The following ZNF75D variants were observed in gnomAD, a reference collection of about 807,000 sequenced individuals.
ZNF75D encodes the protein zinc finger protein 75D, also known as zinc finger protein 75.
Under a neutral mutation model 33.3 loss-of-function variants are expected in ZNF75D, and 33 were observed. The observed-to-expected ratio is 0.99, with a 90% confidence interval of 0.75 to 1.32. The LOEUF (loss-of-function observed/expected upper bound fraction) is 1.32, where lower values mean the gene tolerates loss of function less well. Ranked by LOEUF, ZNF75D falls within the 40% of genes most tolerant of loss-of-function variation. The pLI is 0.00. For synonymous variants in ZNF75D, 113 were observed against 130.6 expected (o/e 0.87, Z 0.92); for missense variants, 338 against 367.5 (o/e 0.92, Z 0.66).
In ZNF75D at chrX:135,319,627, T is replaced by G. The variant is rs1234376564; in HGVS notation, c.-391+22141A>C. Among the ~76,000 whole-genome samples, 7 of 111,725 alleles carry G rather than the reference T, an allele frequency of 6.3e-5. No homozygotes were observed. The East Asian group carries it at 2.0e-3, about 31-fold the overall frequency. On this transcript the variant is annotated intron_variant, in intron 1 of 6. Coordinates refer to ENST00000370766, the MANE Select transcript of ZNF75D (RefSeq NM_007131.5). ...AATACATTTTGAATGATTGTGGAGG[T>G]GATTAGGGAAATTTACTGAAATGTC...
At chrX:135,306,286 C>CAT (rs1321918286) in intron 1 of ZNF75D, among the ~76,000 whole-genome samples, 2 of 68,218 alleles carry the variant, frequency 2.9e-5, no homozygotes, top group African/African-American at 9.4e-5. Context: ...AACAGAGATA[C>CAT]ATACACACAC....
intron 1 of ZNF75D, among the ~76,000 whole-genome samples, chrX:135,334,903 G>T (rs191578219): frequency 9.6e-4 from 107 of 111,448 alleles, no homozygotes; most frequent in African/African-American, 3.4e-3. Context: ...CCACAGTTAT[G>T]AGGGAGCACA....
At chrX:135,285,547 C>A (rs1466129481), downstream of ZNF75D, among the ~76,000 whole-genome samples, 1 of 112,462 alleles carries the variant, frequency 8.9e-6, no homozygotes, top group African/African-American at 3.2e-5. Flanking sequence ...AGCTTATTTT[C>A]TTTTCTAAAT....
chrX:135,333,815 A>G (rs5930689), intron 1 of ZNF75D, among the ~76,000 whole-genome samples: 28,030 of 110,895 alleles, frequency 0.25, 2,826 homozygotes, highest in South Asian at 0.43. Flanking sequence ...CAGTCTAAAA[A>G]ATCTCAGTCT....
chrX:135,262,199 G>A lies in ZNF75D; in HGVS notation n.828-6422C>T, dbSNP rs781875275. Among the ~76,000 whole-genome samples the A allele has an allele frequency of 3.2e-4, 36 of 111,908 alleles. 1 individual carries two copies. The highest frequency in any genetic ancestry group is 4.2e-3 in the Middle Eastern group (1 of 239). ...ATGGGCTTCCCTTTGTGGGCAACCC[G>A]ACCTTTCTCTCTGGCTGCCCTTAAC... On this transcript the variant is annotated intron_variant and non_coding_transcript_variant, in intron 1 of 3. Transcript: ENST00000494295.
At chrX:135,303,975 T>C (rs2084253632) in intron 1 of ZNF75D, among the ~76,000 whole-genome samples, 1 of 112,581 alleles carries the variant, frequency 8.9e-6, no homozygotes, top group South Asian at 3.7e-4. Context: ...TCACCTAACA[T>C]AATGCTCAAA....
At chrX:135,306,761 G>A (rs56324817) in intron 1 of ZNF75D, among the ~76,000 whole-genome samples, 28,321 of 111,845 alleles carry the variant, frequency 0.25, 2,814 homozygotes, top group South Asian at 0.43. Flanking sequence ...TGTTTTCCTT[G>A]TGTTTGTCCT....
chrX:135,281,257 T>G (rs782505491), downstream of ZNF75D, among the ~76,000 whole-genome samples: 5 of 109,227 alleles, frequency 4.6e-5, no homozygotes, highest in Non-Finnish European at 7.6e-5. Context: ...CTGATATCCT[T>G]TCTTCTGCTT....
chrX:135,307,424 C>T (rs2084301863), intron 1 of ZNF75D, among the ~76,000 whole-genome samples: 1 of 111,151 alleles, frequency 9.0e-6, no homozygotes, highest in Non-Finnish European at 1.9e-5. Context: ...TCATGAGAAC[C>T]CCACTATAAA....
At chrX:135,291,387 G>T in intron 5 of ZNF75D, 85 bp downstream of exon 5, 1 of 1,091,213 alleles carries the variant, frequency 9.2e-7, no homozygotes, top group Non-Finnish European at 1.3e-6. Context: ...GCACCTGCTG[G>T]ACACTATGAG....
chrX:135,335,511 G>A (rs183510838), intron 1 of ZNF75D, among the ~76,000 whole-genome samples: 18 of 111,333 alleles, frequency 1.6e-4, no homozygotes, highest in African/African-American at 5.2e-4. Context: ...GGTGACTTAG[G>A]ATCAACATTC....
chrX:135,272,459 T>C (rs907261559), intron 1 of ZNF75D, among the ~76,000 whole-genome samples: 5 of 109,493 alleles, frequency 4.6e-5, no homozygotes, highest in Middle Eastern at 4.6e-3. Flanking sequence ...GAAAACACTG[T>C]GTGTCGAAGT....
At chrX:135,297,455 G>A (rs1292813334) in intron 1 of ZNF75D, 1 of 111,905 alleles carries the variant, frequency 8.9e-6, no homozygotes, top group African/African-American at 3.3e-5. Context: ...ACTCAATGAA[G>A]AGGAAGTCAG....
Position 135,304,313 on chromosome X carries a change from C to A in ZNF75D, c.-390-8274G>T, listed in dbSNP as rs988194198. Among the ~76,000 whole-genome samples, 3 of 111,189 alleles carry A rather than the reference C, an allele frequency of 2.7e-5. No individual in the cohort carries two copies. The Admixed American group carries it at 2.9e-4, about 11-fold the overall frequency. On this transcript the variant is annotated intron_variant, in intron 1 of 6. Transcript: ENST00000370766. ...CATAGGTGGGTGGAAGCAAGCTAAC[C>A]AGCAACTCATCCTATTCCATAGAGA... is the stretch of plus-strand genomic sequence containing the variant.
intron 1 of ZNF75D, among the ~76,000 whole-genome samples, chrX:135,263,098 C>T (rs1314671093): frequency 5.3e-5 from 6 of 112,563 alleles, no homozygotes; most frequent in Admixed American, 9.4e-5. Flanking sequence ...CACTCCAGAC[C>T]CTGTTTGCCT....
intron 1 of ZNF75D, among the ~76,000 whole-genome samples, chrX:135,315,674 C>T (rs782150767): frequency 3.6e-5 from 4 of 112,073 alleles, no homozygotes; most frequent in African/African-American, 1.3e-4. Flanking sequence ...ATCCCTTTAT[C>T]ATTATATAAT....
At chrX:135,339,623 G>A in intron 1 of ZNF75D, among the ~76,000 whole-genome samples, 1 of 111,857 alleles carries the variant, frequency 8.9e-6, no homozygotes, top group East Asian at 2.8e-4. Flanking sequence ...TCCCTCCAGG[G>A]TCGCTGCATA....
At chrX:135,333,257 G>A (rs1442479098) in intron 1 of ZNF75D, among the ~76,000 whole-genome samples, 4 of 111,462 alleles carry the variant, frequency 3.6e-5, no homozygotes, top group Non-Finnish European at 7.5e-5. Flanking sequence ...GTTTTATTCT[G>A]TGTCATGGAA....
At chrX:135,298,263 C>T (rs1420252143) in intron 1 of ZNF75D, 2 of 111,336 alleles carry the variant, frequency 1.8e-5, no homozygotes, top group African/African-American at 6.5e-5. Context: ...GTTACCTTCC[C>T]CCTCTCAAAT....
Sources: gnomAD v4.1 joint callset for allele counts (sites outside exome capture counted in the v4.1 genomes callset) on GRCh38, gnomAD v4.1.1 for gene constraint, MANE v1.5 for transcripts, NCBI Gene and HGNC (gene_info 2026-07-23, HGNC 2026-07-21) for gene names.